The following LRMDA variants were observed in gnomAD, a reference collection of about 807,000 sequenced individuals.
The protein encoded by LRMDA is leucine rich melanocyte differentiation associated, also known as leucine-rich melanocyte differentiation-associated protein.
In LRMDA, 18 loss-of-function variants were observed where a neutral mutation model predicts 29.8. The observed-to-expected ratio is 0.60, with a 90% CI of 0.42 to 0.90. The LOEUF is 0.90. Among genes scored for constraint, LRMDA ranks in the 40% least tolerant of loss-of-function variants. LRMDA has a pLI of 0.00. For missense variants in LRMDA, 273 were observed against 273.9 expected (o/e 1.00, Z 0.02); for synonymous variants, 125 against 109.4 (o/e 1.14, Z -0.89).
chr10:75,522,643 A>G (rs995552521), intron 2 of LRMDA, among the ~76,000 whole-genome samples: 1 of 152,234 alleles, frequency 6.6e-6, no homozygotes, highest in African/African-American at 2.4e-5. Context: ...CCTGGGTCCC[A>G]GGAGCCCAAG....
At chr10:75,769,699 C>T (rs1221867062) in intron 2 of LRMDA, among the ~76,000 whole-genome samples, 1 of 152,210 alleles carries the variant, frequency 6.6e-6, no homozygotes. Context: ...TCAAAATTGG[C>T]TAAGCAACAT....
intron 5 of LRMDA, among the ~76,000 whole-genome samples, chr10:76,289,977 C>T (rs1047376611): frequency 6.6e-6 from 1 of 152,164 alleles, no homozygotes; most frequent in Non-Finnish European, 1.5e-5. Flanking sequence ...TCTCCAATGC[C>T]TGCAAGGCTT....
rs1373944183 is a variant in LRMDA, at chr10:75,727,137, G to A, written c.131+288643G>A. The stretch of plus-strand genomic sequence containing the variant: ...TAATTTTGTGAGCAATGTCCCTGGC[G>A]TTCGGGTTCTAGCTTGCTTCTCTGG... On this transcript the variant is annotated intron_variant, in intron 2 of 6. Transcript: ENST00000611255. Among the ~76,000 whole-genome samples the A allele has an allele frequency of 3.9e-5, 6 of 152,244 alleles. No individual in the cohort carries two copies. The East Asian group carries it at 5.8e-4, about 15-fold the overall frequency.
At chr10:76,345,500 A>T (rs932086410) in intron 6 of LRMDA, among the ~76,000 whole-genome samples, 26 of 148,728 alleles carry the variant, frequency 1.7e-4, no homozygotes, top group African/African-American at 5.9e-4. Flanking sequence ...TATATATATA[A>T]ATAAAAGGGA....
At chr10:75,761,926 G>C (rs1177593606) in intron 2 of LRMDA, among the ~76,000 whole-genome samples, 1 of 151,140 alleles carries the variant, frequency 6.6e-6, no homozygotes, top group Non-Finnish European at 1.5e-5. Flanking sequence ...TCAGCCTCCT[G>C]AGTAGCTGGG....
chr10:76,062,656 CTGTGTGTGTGTGTGTGTGTGTG>C (rs376071517), intron 5 of LRMDA, among the ~76,000 whole-genome samples: 2 of 139,206 alleles, frequency 1.4e-5, no homozygotes, highest in African/African-American at 2.8e-5. Flanking sequence ...CTTTATCTCT[CTGTGTGTGTGTGTGTGTGTGTG>C]TGTGTGTGTG....
At chr10:76,530,655 G>T (rs1843224321) in intron 6 of LRMDA, among the ~76,000 whole-genome samples, 1 of 152,114 alleles carries the variant, frequency 6.6e-6, no homozygotes. Flanking sequence ...ATCTGCTAAG[G>T]TTTTGCTCCA....
chr10:76,313,227 T>G (rs1178287820), intron 5 of LRMDA, among the ~76,000 whole-genome samples: 8 of 152,190 alleles, frequency 5.3e-5, no homozygotes, highest in African/African-American at 1.9e-4. Flanking sequence ...GAGTTGTGAC[T>G]CCTCGTGAAA....
At chr10:75,884,170 A>G (rs1428763966) in intron 2 of LRMDA, among the ~76,000 whole-genome samples, 1 of 151,280 alleles carries the variant, frequency 6.6e-6, no homozygotes, top group Non-Finnish European at 1.5e-5. Context: ...TGTTGAATTA[A>G]TGGAATGTTT....
chr10:76,434,218 G>C (rs1340542061), intron 6 of LRMDA, among the ~76,000 whole-genome samples: 1 of 151,774 alleles, frequency 6.6e-6, no homozygotes, highest in African/African-American at 2.4e-5. Context: ...CCTGATTATA[G>C]TGAACCTTGA....
rs561751265 is a variant in LRMDA, at chr10:76,044,248, C to G, written c.259-2916C>G. On this transcript the variant is annotated intron_variant, in intron 3 of 6. Transcript: ENST00000611255. ...CAAACCATGAAGGGGAGAAACCAAG[C>G]CTGGGACTGAGGCCCGTGCAGGTCC... 2.0e-5 allele frequency among the ~76,000 whole-genome samples: 3 copies of G among 152,238 alleles called. No individual in the cohort carries two copies. The East Asian group carries it at 5.8e-4, about 30-fold the overall frequency.
chr10:76,106,491 C>A (rs887580861), intron 5 of LRMDA, among the ~76,000 whole-genome samples: 1 of 152,202 alleles, frequency 6.6e-6, no homozygotes, highest in African/African-American at 2.4e-5. Flanking sequence ...ATCATTTCCC[C>A]ATTTTTATCC....
At chr10:75,659,581 C>T (rs1841723746) in intron 2 of LRMDA, among the ~76,000 whole-genome samples, 1 of 152,162 alleles carries the variant, frequency 6.6e-6, no homozygotes, top group East Asian at 1.9e-4. Context: ...TATGTGTAAT[C>T]TAAAAGAGTC....
intron 2 of LRMDA, among the ~76,000 whole-genome samples, chr10:75,773,041 A>G (rs2132236498): frequency 6.6e-6 from 1 of 152,312 alleles, no homozygotes. Context: ...TGTTCAGAAA[A>G]GTATCGTGAA....
intron 6 of LRMDA, chr10:76,464,970 A>G (rs1010614488): frequency 2.6e-5 from 4 of 152,182 alleles, no homozygotes; most frequent in African/African-American, 4.8e-5. Flanking sequence ...CTATGGCTTT[A>G]TGGACATGTG....
chr10:76,243,437 C>T (rs769882678), intron 5 of LRMDA, among the ~76,000 whole-genome samples: 1 of 152,130 alleles, frequency 6.6e-6, no homozygotes, highest in Admixed American at 6.5e-5. Flanking sequence ...CTGTAGCTTA[C>T]GTCGACACCA....
intron 5 of LRMDA, among the ~76,000 whole-genome samples, chr10:76,171,362 C>T (rs1324632260): frequency 6.6e-6 from 1 of 152,228 alleles, no homozygotes; most frequent in African/African-American, 2.4e-5. Context: ...TGGTCTTGAA[C>T]TCCTGAACTC....
At chr10:76,358,419 C>A (rs978417441) in intron 6 of LRMDA, among the ~76,000 whole-genome samples, 6 of 152,190 alleles carry the variant, frequency 3.9e-5, no homozygotes, top group African/African-American at 1.2e-4. Flanking sequence ...CACAGCGTTT[C>A]CTCTTGGCAT....
At chr10:76,552,885 C>A (rs1257213076) in intron 6 of LRMDA, among the ~76,000 whole-genome samples, 1 of 152,150 alleles carries the variant, frequency 6.6e-6, no homozygotes, top group Admixed American at 6.5e-5. Flanking sequence ...CTGGTACTGA[C>A]CCTGCAGTCC....
Sources: gnomAD v4.1 joint callset for allele counts (sites outside exome capture counted in the v4.1 genomes callset) on GRCh38, gnomAD v4.1.1 for gene constraint, MANE v1.5 for transcripts, NCBI Gene and HGNC (gene_info 2026-07-23, HGNC 2026-07-21) for gene names.